Variants in SNX2 observed in about 807,000 individuals in gnomAD.
SNX2 encodes sorting nexin-2.
A neutral mutation model predicts 69.9 loss-of-function variants in SNX2; 25 were observed. The ratio of observed to expected loss-of-function variants is 0.36; its 90% CI spans 0.26 to 0.50. The LOEUF is 0.50. SNX2 is among the 20% of genes least tolerant of loss of function. SNX2 has a pLI of 0.97. For synonymous variants in SNX2, 229 were observed against 200.4 expected (o/e 1.14, Z -1.20); for missense variants, 551 against 613.3 (o/e 0.90, Z 1.07).
chr5:122,825,275 G>A (rs978759334), intron 11 of SNX2, among the ~76,000 whole-genome samples: 1 of 151,986 alleles, frequency 6.6e-6, no homozygotes, highest in African/African-American at 2.4e-5. Context: ...GCCAGAAAGA[G>A]GATTCTTAGT....
intron 10 of SNX2, among the ~76,000 whole-genome samples, chr5:122,817,579 G>T (rs115186054): frequency 0.015 from 2,262 of 151,760 alleles, 21 homozygotes; most frequent in Non-Finnish European, 0.019. Context: ...GAAAAATAAC[G>T]AGCTTAGAAA....
At chr5:122,786,406 T>G (rs1181511707) in intron 1 of SNX2, among the ~76,000 whole-genome samples, 1 of 152,160 alleles carries the variant, frequency 6.6e-6, no homozygotes, top group African/African-American at 2.4e-5. Context: ...TCAGTTTTTT[T>G]CCTTTTCTCC....
At chr5:122,808,435 T>C in intron 7 of SNX2, 80 bp downstream of exon 7, 1 of 1,045,694 alleles carries the variant, frequency 9.6e-7, no homozygotes, top group Non-Finnish European at 1.4e-6. Flanking sequence ...GGCAAAACTG[T>C]GTTTTAATGA....
chr5:122,775,005 G>A (rs1036230753), upstream of SNX2: 3 of 1,202,022 alleles, frequency 2.5e-6, no homozygotes, highest in South Asian at 2.1e-5. Flanking sequence ...GAGGCCGGCC[G>A]GGGGCGGGGA....
intron 2 of SNX2, among the ~76,000 whole-genome samples, chr5:122,797,950 CAG>C (rs1753421582): frequency 6.6e-6 from 1 of 152,146 alleles, no homozygotes; most frequent in Non-Finnish European, 1.5e-5. Context: ...ACACAAAACT[CAG>C]TATCAGTAAA....
intron 8 of SNX2, among the ~76,000 whole-genome samples, chr5:122,816,304 T>C (rs1183671447): frequency 6.6e-6 from 1 of 152,136 alleles, no homozygotes; most frequent in Non-Finnish European, 1.5e-5. Flanking sequence ...AAAGAGAAAG[T>C]TGAATGTGTA....
At chr5:122,802,180 G>A (rs1753532273) in intron 5 of SNX2, 56 bp downstream of exon 5, 1 of 1,386,916 alleles carries the variant, frequency 7.2e-7, no homozygotes, top group Non-Finnish European at 1.0e-6. Context: ...TGTAGTATGA[G>A]GATATGGCTA....
At position 122,797,255 on chromosome 5, in the gene SNX2, A is replaced by G. The variant is rs187613710; in HGVS notation, c.226+1872A>G. Among the ~76,000 whole-genome samples, 271 of 152,326 alleles carry G rather than the reference A, an allele frequency of 1.8e-3. 2 individuals are homozygous for G. Among genetic ancestry groups the G allele is most frequent in the Middle Eastern group, 0.01 (3 of 294 alleles). On this transcript the variant is annotated intron_variant, in intron 2 of 14. Coordinates refer to ENST00000379516, the MANE Select transcript of SNX2 (RefSeq NM_003100.4). Reference sequence around the variant, plus strand: ...AAAAATCTTCATAGTGTTTTATTCTACCTAGCAGTCTATACTAAATTCTGT... The same window carrying G: ...AAAAATCTTCATAGTGTTTTATTCTGCCTAGCAGTCTATACTAAATTCTGT...
chr5:122,804,183 T>C lies in SNX2; in HGVS notation c.643+570T>C, dbSNP rs141404577. ...AAAGCAGTTGGAAGCCCTAACCTTT[T>C]AGGGTCACTAGATTACCATTTTACT... On this transcript the variant is annotated intron_variant, in intron 6 of 14. Transcript: ENST00000379516. Among the ~76,000 whole-genome samples, 777 of 152,176 alleles carry C rather than the reference T, an allele frequency of 5.1e-3. 12 individuals carry two copies. The highest frequency in any genetic ancestry group is 3.6e-3 in the Non-Finnish European group (246 of 68,004).
Position 122,826,092 on chromosome 5 carries a change from G to A in SNX2, c.1255G>A (p.Asp419Asn). 1 of 1,613,258 alleles carries A rather than the reference G, an allele frequency of 6.2e-7. No homozygotes were observed. The highest frequency in any genetic ancestry group is 8.5e-7 in the Non-Finnish European group (1 of 1,179,428). Residue 419 changes from aspartate (D) to asparagine (N), a missense_variant, in exon 12 of 15, where the codon GAT (aspartate) becomes AAT (asparagine). Transcript: ENST00000379516. ...AATGAAGTGCTGGCAGAAATGGGAA[G>A]ATGCTCAAATTACTTTGCTCAAAAA... is the stretch of plus-strand genomic sequence containing the variant. ...HRMKCWQKWE[D>N]AQITLLKKRE...
At chr5:122,800,957 C>T (rs750239201) in intron 3 of SNX2, among the ~76,000 whole-genome samples, 21 of 151,128 alleles carry the variant, frequency 1.4e-4, no homozygotes, top group African/African-American at 2.9e-4. Context: ...TCTGAAGTCT[C>T]GACATAGGGT....
chr5:122,830,463 A>G lies in SNX2; in HGVS notation c.*815A>G, dbSNP rs1272012477. On this transcript the variant is annotated 3_prime_UTR_variant, in exon 15 of 15. Coordinates refer to ENST00000379516, the MANE Select transcript of SNX2 (RefSeq NM_003100.4). ...TGTTCATCTTCTCGTTATCTTCAGA[A>G]TCTCGTACTTTGCATATATTTAATT... is the stretch of plus-strand genomic sequence containing the variant. 6.6e-6 allele frequency among the ~76,000 whole-genome samples: 1 copy of G among 152,142 alleles called. No homozygotes were observed. The highest frequency in any genetic ancestry group is 1.5e-5 in the Non-Finnish European group (1 of 68,016).
rs1754360586 is a variant in SNX2, at chr5:122,834,290, T to C, written c.*4642T>C. The C allele has an allele frequency of 6.6e-6, 1 of 152,230 alleles. No individual in the cohort carries two copies. The highest frequency in any genetic ancestry group is 2.4e-5 in the African/African-American group (1 of 41,458). The allele number at this position is 152,230 out of a possible 1,614,324, so 9.4% of individuals were successfully genotyped here. ...TTAATGCACATGAAGTAATTTAAAA[T>C]GCTCTTCTTCCTTTCTTGTCACATA... On this transcript the variant is annotated 3_prime_UTR_variant, in exon 15 of 15. Transcript: ENST00000379516.
chr5:122,784,223 T>TC (rs1400409907), intron 1 of SNX2, among the ~76,000 whole-genome samples: 1 of 151,242 alleles, frequency 6.6e-6, no homozygotes, highest in Non-Finnish European at 1.5e-5. Flanking sequence ...TTTTTTTTTT[T>TC]CTCTTGTCCT....
intron 1 of SNX2, among the ~76,000 whole-genome samples, chr5:122,778,112 T>G (rs1752894533): frequency 6.6e-6 from 1 of 152,238 alleles, no homozygotes; most frequent in Non-Finnish European, 1.5e-5. Flanking sequence ...CTTAACATAA[T>G]GTCCTCCAAG....
chr5:122,795,123 C>G (rs1220815159), intron 1 of SNX2, 143 bp from the exon 2 acceptor site: 15 of 593,714 alleles, frequency 2.5e-5, no homozygotes, highest in Non-Finnish European at 3.6e-5. Flanking sequence ...CATTCTTACT[C>G]TCAGAGGAGG....
intron 1 of SNX2, among the ~76,000 whole-genome samples, chr5:122,777,250 C>T (rs527850697): frequency 6.6e-6 from 1 of 152,252 alleles, no homozygotes; most frequent in East Asian, 1.9e-4. Context: ...TGTTCTAGAT[C>T]CGTGTTTTGC....
Position 122,834,177 on chromosome 5 carries a change from A to T in SNX2, c.*4529A>T, listed in dbSNP as rs1754357281. The T allele has an allele frequency of 6.6e-6, 1 of 152,220 alleles. No individual in the cohort carries two copies. The allele number at this position is 152,220 out of a possible 1,614,324, so 9.4% of individuals were successfully genotyped here. ...TTAGAATTCTAGGAAATCTTTTGGG[A>T]TACAGAGAACTTATTTCTTCCAACT... On this transcript the variant is annotated 3_prime_UTR_variant, in exon 15 of 15. Transcript: ENST00000379516.
intron 10 of SNX2, among the ~76,000 whole-genome samples, chr5:122,817,719 G>C (rs991742071): frequency 2.0e-5 from 3 of 151,884 alleles, no homozygotes; most frequent in Non-Finnish European, 4.4e-5. Flanking sequence ...TGGATGAAGA[G>C]GTCTTATCAA....
Sources: gnomAD v4.1 joint callset for allele counts (sites outside exome capture counted in the v4.1 genomes callset) on GRCh38, gnomAD v4.1.1 for gene constraint, MANE v1.5 for transcripts, NCBI Gene and HGNC (gene_info 2026-07-23, HGNC 2026-07-21) for gene names.